GTF2H3: variants seen among roughly 807,000 people sequenced by gnomAD.
The protein encoded by GTF2H3 is general transcription factor IIH subunit 3, also known as TFIIH basal transcription factor complex p34 subunit.
GTF2H3 carries 42 observed loss-of-function variants against 51.1 expected under a neutral mutation model. The observed-to-expected ratio is 0.82, with a 90% confidence interval of 0.64 to 1.06. The LOEUF (loss-of-function observed/expected upper bound fraction) is 1.06. GTF2H3 is among the 50% of genes least tolerant of loss of function. The pLI is 0.00. For missense variants in GTF2H3, 326 were observed against 366.1 expected (o/e 0.89, Z 0.89); for synonymous variants, 123 against 123.8 (o/e 0.99, Z 0.04).
rs1955640992 is a variant in GTF2H3, at chr12:123,660,240, A to G, written c.*5A>G. On this transcript the variant is annotated 3_prime_UTR_variant, in exon 13 of 13. Transcript: ENST00000543341. The stretch of plus-strand genomic sequence containing the variant: ...AAACTGAAAGTGTCTGCCTGAGGAT[A>G]AAATATTTTCCCCATCTTTTAGAGC... 1.3e-6 allele frequency: 2 copies of G among 1,598,368 alleles called. No homozygotes were observed. Among genetic ancestry groups the G allele is most frequent in the Non-Finnish European group, 1.7e-6 (2 of 1,171,258 alleles).
intron 2 of GTF2H3, among the ~76,000 whole-genome samples, chr12:123,641,538 TG>T (rs1364717793): frequency 0.076 from 10,518 of 138,620 alleles, 922 homozygotes; most frequent in African/African-American, 0.2. Context: ...TTTTTTTTTT[TG>T]TGTGTTTTTT....
intron 9 of GTF2H3, among the ~76,000 whole-genome samples, chr12:123,656,362 A>G (rs1955587166): frequency 1.3e-5 from 2 of 152,162 alleles, no homozygotes. Context: ...ACTCTTGTAC[A>G]TATTATATTT....
intron 1 of GTF2H3, among the ~76,000 whole-genome samples, chr12:123,637,441 G>T (rs1258596102): frequency 6.6e-6 from 1 of 151,722 alleles, no homozygotes; most frequent in Non-Finnish European, 1.5e-5. Context: ...TTAGTTTAGA[G>T]AATAGAATTC....
chr12:123,652,472 A>G, intron 5 of GTF2H3, 60 bp from the exon 6 acceptor site: 1 of 985,484 alleles, frequency 1.0e-6, no homozygotes, highest in Non-Finnish European at 1.5e-6. Flanking sequence ...TTTTCTTTTT[A>G]CTATAAATAT....
chr12:123,636,641 G>C (rs1053645110), intron 1 of GTF2H3, among the ~76,000 whole-genome samples: 1 of 152,210 alleles, frequency 6.6e-6, no homozygotes, highest in Non-Finnish European at 1.5e-5. Context: ...CAAGTGGCTG[G>C]GTGTGGTGGC....
At chr12:123,655,667 G>C in intron 8 of GTF2H3, 104 bp from the exon 9 acceptor site, 1 of 709,004 alleles carries the variant, frequency 1.4e-6, no homozygotes, top group Non-Finnish European at 2.5e-6. Flanking sequence ...GTTGCATATT[G>C]AGTGAGCTAT....
chr12:123,646,887 C>T (rs1955453759), intron 3 of GTF2H3, among the ~76,000 whole-genome samples: 1 of 150,550 alleles, frequency 6.6e-6, no homozygotes, highest in Non-Finnish European at 1.5e-5. Context: ...TGCGGTGGCT[C>T]ATGTCTGTAA....
intron 2 of GTF2H3, among the ~76,000 whole-genome samples, chr12:123,641,527 G>A (rs1462417781): frequency 4.7e-5 from 6 of 128,548 alleles, no homozygotes; most frequent in East Asian, 2.2e-4. Context: ...GTCTGCCCCC[G>A]TTTTTTTTTT....
chr12:123,643,778 C>T (rs1431380273), intron 2 of GTF2H3, among the ~76,000 whole-genome samples: 1 of 152,086 alleles, frequency 6.6e-6, no homozygotes, highest in African/African-American at 2.4e-5. Flanking sequence ...TCACTTTTCG[C>T]CAATTAGAAA....
At position 123,661,987 on chromosome 12, in the gene GTF2H3, G is replaced by C. The variant is rs965534448; in HGVS notation, c.*1752G>C. On this transcript the variant is annotated 3_prime_UTR_variant, in exon 13 of 13. Coordinates refer to ENST00000543341, the MANE Select transcript of GTF2H3 (RefSeq NM_001516.5). ...CTACTAAAAATACAAAAATTAGCTGGGCGTGGTGGCAGGTGCCTGTAATCC... is the reference window on the plus strand; with the variant it reads ...CTACTAAAAATACAAAAATTAGCTGCGCGTGGTGGCAGGTGCCTGTAATCC... 1 of 151,552 alleles carries C rather than the reference G, an allele frequency of 6.6e-6. No homozygotes were observed. Among genetic ancestry groups the C allele is most frequent in the African/African-American group, 2.4e-5 (1 of 41,212 alleles). The allele number at this position is 151,552 out of a possible 1,614,324, so 9.4% of individuals were successfully genotyped here. A position where few individuals can be genotyped will look rare whatever the true frequency, so the allele number is the denominator to read the frequency against.
intron 7 of GTF2H3, 44 bp from the exon 8 acceptor site, chr12:123,654,880 A>AGG: frequency 7.7e-7 from 1 of 1,299,538 alleles, no homozygotes; most frequent in Non-Finnish European, 1.1e-6. Flanking sequence ...GTGTGAGAGG[A>AGG]CTGGCATGTG....
At chr12:123,655,096 G>A in intron 8 of GTF2H3, 98 bp downstream of exon 8, 5 of 889,362 alleles carry the variant, frequency 5.6e-6, no homozygotes, top group Non-Finnish European at 9.3e-6. Context: ...GACTACGTAG[G>A]CTTATGAATG....
Position 123,634,231 on chromosome 12 carries a change from G to A in GTF2H3, c.13+359G>A, listed in dbSNP as rs139508372. On this transcript the variant is annotated intron_variant, in intron 1 of 12. Coordinates refer to ENST00000543341, the MANE Select transcript of GTF2H3 (RefSeq NM_001516.5). ...CGAGGAGGGAGAATCGCTTGAAGCC[G>A]GGAGTTCGAGACCTGCCTGGGCAAC... Among the ~76,000 whole-genome samples the A allele has an allele frequency of 4.7e-3, 722 of 152,192 alleles. 3 individuals are homozygous for A. Among genetic ancestry groups the A allele is most frequent in the Admixed American group, 9.1e-3 (139 of 15,284 alleles).
intron 5 of GTF2H3, 145 bp downstream of exon 5, chr12:123,651,201 C>T (rs1593807295): frequency 1.7e-6 from 1 of 575,278 alleles, no homozygotes; most frequent in East Asian, 3.1e-5. Context: ...AAATAGTTTA[C>T]ATTGGCTTTG....
At chr12:123,659,971 G>T (rs770611492) in intron 11 of GTF2H3, 41 bp downstream of exon 11, 5 of 1,604,552 alleles carry the variant, frequency 3.1e-6, no homozygotes, top group East Asian at 4.5e-5. Flanking sequence ...TTCTATGTTG[G>T]GGGGCAGGAA....
At chr12:123,641,527 G>GTTTTT (rs112546170) in intron 2 of GTF2H3, among the ~76,000 whole-genome samples, 6 of 128,528 alleles carry the variant, frequency 4.7e-5, no homozygotes, top group African/African-American at 1.7e-4. Flanking sequence ...GTCTGCCCCC[G>GTTTTT]TTTTTTTTTT....
At chr12:123,648,842 C>T (rs1187948010) in intron 4 of GTF2H3, among the ~76,000 whole-genome samples, 5 of 152,136 alleles carry the variant, frequency 3.3e-5, no homozygotes, top group Non-Finnish European at 7.4e-5. Context: ...TTTATAGGGA[C>T]GGGGTCTCAC....
Position 123,660,417 on chromosome 12 carries a change from G to A in GTF2H3, c.*182G>A, listed in dbSNP as rs1443619960. On this transcript the variant is annotated 3_prime_UTR_variant, in exon 13 of 13. Coordinates refer to ENST00000543341, the MANE Select transcript of GTF2H3 (RefSeq NM_001516.5). Reference sequence around the variant, plus strand: ...CTTCTGGAGGACTGATTTGTTTGAGGGAATCATTCTATGCATTATATCCTA... The same window carrying A: ...CTTCTGGAGGACTGATTTGTTTGAGAGAATCATTCTATGCATTATATCCTA... The A allele has an allele frequency of 5.7e-6, 3 of 529,720 alleles. No individual in the cohort carries two copies. Among genetic ancestry groups the A allele is most frequent in the African/African-American group, 1.9e-5 (1 of 51,924 alleles). 32.8% of individuals were successfully genotyped at this position (529,720 alleles called of 1,614,324 possible). A position where few individuals can be genotyped will look rare whatever the true frequency, so the allele number is the denominator to read the frequency against.
chr12:123,659,619 A>G, intron 10 of GTF2H3, 35 bp downstream of exon 10: 1 of 1,592,812 alleles, frequency 6.3e-7, no homozygotes, highest in Non-Finnish European at 8.6e-7. Context: ...TGATGCCTGG[A>G]GGGAAGGATG....
Sources: gnomAD v4.1 joint callset for allele counts (sites outside exome capture counted in the v4.1 genomes callset) on GRCh38, gnomAD v4.1.1 for gene constraint, MANE v1.5 for transcripts, NCBI Gene and HGNC (gene_info 2026-07-23, HGNC 2026-07-21) for gene names.